DNAAF4: variants seen among roughly 807,000 people sequenced by gnomAD.
The protein encoded by DNAAF4 is dynein axonemal assembly factor 4, also known as dynein assembly factor 4, axonemal.
In DNAAF4, 43 loss-of-function variants were observed where a neutral mutation model predicts 51.8. The observed-to-expected ratio is 0.83, with a 90% confidence interval of 0.65 to 1.07. DNAAF4 has a LOEUF of 1.07. Ranked by LOEUF, DNAAF4 falls within the 50% of genes least tolerant of loss-of-function variation. The pLI, the probability that DNAAF4 is intolerant of heterozygous loss-of-function variation, is 0.00. For synonymous variants in DNAAF4, 194 were observed against 165.6 expected (o/e 1.17, Z -1.32); for missense variants, 581 against 493.0 (o/e 1.18, Z -1.69).
chr15:55,441,391 T>C (rs1351336403), intron 6 of DNAAF4, among the ~76,000 whole-genome samples: 2 of 152,128 alleles, frequency 1.3e-5, no homozygotes, highest in East Asian at 3.8e-4. Flanking sequence ...TATTTTATCT[T>C]TCTGGGTTAT....
chr15:55,499,405 A>T (rs1424595469), intron 1 of DNAAF4, among the ~76,000 whole-genome samples: 2 of 152,176 alleles, frequency 1.3e-5, no homozygotes, highest in Non-Finnish European at 2.9e-5. Flanking sequence ...CTGACTGGGA[A>T]CCTGGGCAGA....
intron 6 of DNAAF4, among the ~76,000 whole-genome samples, chr15:55,447,798 G>A (rs1218632280): frequency 8.1e-6 from 1 of 123,356 alleles, no homozygotes; most frequent in Non-Finnish European, 1.7e-5. Context: ...AGAGGGGAGA[G>A]GGGAGAGGGC....
chr15:55,444,211 A>G (rs2057760245), intron 6 of DNAAF4, among the ~76,000 whole-genome samples: 1 of 152,238 alleles, frequency 6.6e-6, no homozygotes, highest in Admixed American at 6.5e-5. Context: ...ATCTTGAATT[A>G]ATTTTTGTAT....
At chr15:55,421,104 C>T (rs1038426014) in intron 7 of DNAAF4, among the ~76,000 whole-genome samples, 2 of 150,452 alleles carry the variant, frequency 1.3e-5, no homozygotes, top group African/African-American at 2.5e-5. Flanking sequence ...GCAGGAGAAT[C>T]GCTTGAACCC....
At chr15:55,447,780 GAGAGGGGAGAGGGGAGAGGGGAGAGGGC>G (rs1567010174) in intron 6 of DNAAF4, among the ~76,000 whole-genome samples, 4 of 123,046 alleles carry the variant, frequency 3.3e-5, no homozygotes, top group African/African-American at 1.0e-4. Flanking sequence ...CGTGGAAAGA[GAGAGGGGAGAGGGGAGAGGGGAGAGGGC>G]AGAGGGGAGA....
At chr15:55,485,655 CAAGA>C (rs1271268783) in intron 4 of DNAAF4, among the ~76,000 whole-genome samples, 1 of 151,892 alleles carries the variant, frequency 6.6e-6, no homozygotes, top group Non-Finnish European at 1.5e-5. Flanking sequence ...AAAAAAAATT[CAAGA>C]TAGAAGTGGG....
chr15:55,443,082 T>A, intron 6 of DNAAF4: 1 of 1,610,796 alleles, frequency 6.2e-7, no homozygotes, highest in Non-Finnish European at 8.5e-7. Flanking sequence ...GAAAATGGGT[T>A]TTAAAGTCTT....
intron 1 of DNAAF4, among the ~76,000 whole-genome samples, chr15:55,501,695 T>C (rs1266153686): frequency 1.3e-5 from 2 of 150,112 alleles, no homozygotes; most frequent in African/African-American, 2.4e-5. Flanking sequence ...AAATATAACA[T>C]AAAAAGCACT....
At chr15:55,491,550 A>G (rs1333494906) in intron 3 of DNAAF4, among the ~76,000 whole-genome samples, 4 of 149,320 alleles carry the variant, frequency 2.7e-5, no homozygotes, top group Non-Finnish European at 4.4e-5. Context: ...ATGAAGGTGC[A>G]AGGACACATT....
intron 4 of DNAAF4, among the ~76,000 whole-genome samples, chr15:55,479,093 T>C (rs2058374085): frequency 6.6e-6 from 1 of 151,192 alleles, no homozygotes; most frequent in African/African-American, 2.4e-5. Flanking sequence ...TATGCACATT[T>C]TCCCCTGGGA....
At chr15:55,426,095 GA>G (rs2057428522), downstream of DNAAF4, among the ~76,000 whole-genome samples, 1 of 142,584 alleles carries the variant, frequency 7.0e-6, no homozygotes, top group Non-Finnish European at 1.5e-5. Flanking sequence ...TTAGGTAGAT[GA>G]AATCAATAGG....
chr15:55,500,992 C>CAA (rs111778667), intron 1 of DNAAF4, among the ~76,000 whole-genome samples: 15 of 65,942 alleles, frequency 2.3e-4, no homozygotes, highest in East Asian at 1.0e-3. Flanking sequence ...AACTGAGTCT[C>CAA]AAAAAAAAAA....
chr15:55,503,683 A>C (rs1268899157), intron 1 of DNAAF4, among the ~76,000 whole-genome samples: 1 of 152,232 alleles, frequency 6.6e-6, no homozygotes, highest in African/African-American at 2.4e-5. Flanking sequence ...CCACATGATC[A>C]TCTGAATAGA....
At position 55,443,408 on chromosome 15, in the gene DNAAF4, G is replaced by A. The variant is rs2057746443; in HGVS notation, c.784-3827C>T. On this transcript the variant is annotated intron_variant, in intron 6 of 9. Transcript: ENST00000321149. ...GCCGCACTTGCTCTAGCCCTGGATG[G>A]CACACATTACTGCCACATTTTCTTA... 8.2e-6 allele frequency: 5 copies of A among 608,476 alleles called. No homozygotes were observed. The Admixed American group carries it at 1.5e-4, about 18-fold the overall frequency. The allele number at this position is 608,476 out of a possible 1,614,324, so 37.7% of individuals were successfully genotyped here. A position where few individuals can be genotyped will look rare whatever the true frequency, so the allele number is the denominator to read the frequency against.
intron 4 of DNAAF4, among the ~76,000 whole-genome samples, chr15:55,473,275 ATATATATGTG>A (rs1567023461): frequency 2.8e-5 from 1 of 35,844 alleles, no homozygotes; most frequent in East Asian, 3.2e-3. Flanking sequence ...ATATATGTGT[ATATATATGTG>A]TATATATATG....
intron 4 of DNAAF4, among the ~76,000 whole-genome samples, chr15:55,475,482 T>G (rs2058323954): frequency 6.6e-6 from 1 of 152,200 alleles, no homozygotes; most frequent in African/African-American, 2.4e-5. Context: ...GCAATTTTAC[T>G]GGCTGAATAT....
chr15:55,507,302 G>A (rs1301473713), intron 1 of DNAAF4, among the ~76,000 whole-genome samples: 1 of 152,116 alleles, frequency 6.6e-6, no homozygotes, highest in Non-Finnish European at 1.5e-5. Flanking sequence ...AAAAATACAT[G>A]TAAAACACCT....
intron 7 of DNAAF4, chr15:55,418,595 G>A (rs1163747278): frequency 1.5e-6 from 2 of 1,338,912 alleles, no homozygotes; most frequent in African/African-American, 3.0e-5. Flanking sequence ...GTATATTGAA[G>A]AGAAAATATA....
chr15:55,417,796 C>G, exon 8 of DNAAF4: 1 of 217,676 alleles, frequency 4.6e-6, no homozygotes, highest in Non-Finnish European at 9.1e-6. Context: ...TGGGTGGAGG[C>G]GGGCTGAGTC....
Sources: allele counts gnomAD v4.1 joint callset (sites outside exome capture counted in the v4.1 genomes callset), GRCh38; gene constraint gnomAD v4.1.1; transcripts MANE v1.5; gene names NCBI Gene and HGNC (gene_info 2026-07-23, HGNC 2026-07-21).